The following IQCM variants were observed in gnomAD, a reference collection of about 807,000 sequenced individuals.
The protein encoded by IQCM is IQ domain-containing protein M.
Under a neutral mutation model 57.6 loss-of-function variants are expected in IQCM, and 45 were observed. The ratio of observed to expected loss-of-function variants is 0.78; its 90% CI spans 0.62 to 1.00. The LOEUF (loss-of-function observed/expected upper bound fraction) is 1.00. IQCM is among the 50% of genes least tolerant of loss of function. The pLI is 0.00. For synonymous variants in IQCM, 148 were observed against 158.9 expected (o/e 0.93, Z 0.51); for missense variants, 468 against 511.6 (o/e 0.91, Z 0.82).
chr4:149,757,741 A>ATG (rs3085133), intron 2 of IQCM, among the ~76,000 whole-genome samples: 2,930 of 150,372 alleles, frequency 0.019, 26 homozygotes, highest in Non-Finnish European at 0.028. Context: ...GATATTATAT[A>ATG]TGTGTGTGTG....
intron 2 of IQCM, among the ~76,000 whole-genome samples, chr4:149,769,942 T>C (rs1255460454): frequency 6.6e-6 from 1 of 151,922 alleles, no homozygotes; most frequent in Non-Finnish European, 1.5e-5. Context: ...CTGGCATTTA[T>C]AGAATAAAAA....
At chr4:149,774,386 T>A (rs1770877095) in intron 2 of IQCM, among the ~76,000 whole-genome samples, 1 of 152,156 alleles carries the variant, frequency 6.6e-6, no homozygotes. Context: ...AGCAGCAACA[T>A]GCTTGCAATA....
At chr4:149,574,845 T>A (rs912553439) in intron 9 of IQCM, among the ~76,000 whole-genome samples, 1 of 151,976 alleles carries the variant, frequency 6.6e-6, no homozygotes, top group Non-Finnish European at 1.5e-5. Flanking sequence ...TTAAGGATAC[T>A]TATTTCGGCT....
At chr4:149,503,060 T>C (rs1248189884) in intron 12 of IQCM, among the ~76,000 whole-genome samples, 3 of 151,530 alleles carry the variant, frequency 2.0e-5, no homozygotes, top group Non-Finnish European at 4.4e-5. Context: ...AAAAAAAAAA[T>C]TGTTATTTTA....
At chr4:149,536,644 T>A (rs1374042379) in intron 12 of IQCM, among the ~76,000 whole-genome samples, 1 of 151,884 alleles carries the variant, frequency 6.6e-6, no homozygotes, top group Non-Finnish European at 1.5e-5. Flanking sequence ...TTATGGAGAG[T>A]CTGAAATATT....
chr4:149,438,612 G>C (rs1353122943), intron 12 of IQCM, among the ~76,000 whole-genome samples: 1 of 151,870 alleles, frequency 6.6e-6, no homozygotes, highest in Admixed American at 6.6e-5. Flanking sequence ...GTTTATTTCT[G>C]TTCATTAGTA....
chr4:149,582,686 G>A (rs912916789), intron 9 of IQCM, among the ~76,000 whole-genome samples: 1 of 151,392 alleles, frequency 6.6e-6, no homozygotes, highest in Non-Finnish European at 1.5e-5. Context: ...TGCAAAGACA[G>A]AACACACAAG....
chr4:149,776,423 G>A (rs1056308741), intron 2 of IQCM, among the ~76,000 whole-genome samples: 4 of 152,054 alleles, frequency 2.6e-5, no homozygotes, highest in Non-Finnish European at 4.4e-5. Flanking sequence ...TTGAACTTAG[G>A]TTTTCTAATT....
At chr4:149,802,079 C>T (rs926179980) in intron 2 of IQCM, among the ~76,000 whole-genome samples, 13 of 151,760 alleles carry the variant, frequency 8.6e-5, no homozygotes, top group African/African-American at 2.9e-4. Context: ...AGAAGTATGG[C>T]TTATACAGTT....
At chr4:149,497,768 A>T (rs1444565216) in intron 12 of IQCM, among the ~76,000 whole-genome samples, 2 of 151,322 alleles carry the variant, frequency 1.3e-5, no homozygotes, top group African/African-American at 4.8e-5. Context: ...AAAAAGGAAG[A>T]AAAAAAAGCA....
chr4:149,812,382 T>C (rs754710628), intron 2 of IQCM, among the ~76,000 whole-genome samples: 17 of 151,954 alleles, frequency 1.1e-4, no homozygotes, highest in Non-Finnish European at 2.1e-4. Flanking sequence ...ATTGTGAAGA[T>C]GCAAATAACA....
chr4:149,392,037 C>T (rs1325975443), intron 13 of IQCM, among the ~76,000 whole-genome samples: 1 of 151,336 alleles, frequency 6.6e-6, no homozygotes, highest in Non-Finnish European at 1.5e-5. Flanking sequence ...TGATCTTCTC[C>T]CTAGCTGTCT....
At chr4:149,511,200 T>C (rs1744374123) in intron 12 of IQCM, among the ~76,000 whole-genome samples, 2 of 152,140 alleles carry the variant, frequency 1.3e-5, no homozygotes, top group Non-Finnish European at 2.9e-5. Context: ...TTTCTTCAGA[T>C]ACCAACTTAC....
intron 13 of IQCM, among the ~76,000 whole-genome samples, chr4:149,365,396 CAATA>C (rs530601668): frequency 1.5e-3 from 221 of 152,184 alleles, no homozygotes; most frequent in South Asian, 7.9e-3. Flanking sequence ...CTAGTATAAT[CAATA>C]AATAAATGGT....
chr4:149,753,420 G>T (rs76211245), intron 2 of IQCM, among the ~76,000 whole-genome samples: 1 of 151,972 alleles, frequency 6.6e-6, no homozygotes, highest in African/African-American at 2.4e-5. Flanking sequence ...ATAAAAATAC[G>T]TTCTTTCAAA....
intron 12 of IQCM, among the ~76,000 whole-genome samples, chr4:149,498,242 CAGCA>C (rs1168715517): frequency 6.6e-6 from 1 of 152,018 alleles, no homozygotes; most frequent in Non-Finnish European, 1.5e-5. Context: ...AGTGATGACC[CAGCA>C]AAAATGGGTA....
At chr4:149,579,000 C>T (rs1301883240) in intron 9 of IQCM, among the ~76,000 whole-genome samples, 3 of 151,864 alleles carry the variant, frequency 2.0e-5, no homozygotes, top group Non-Finnish European at 4.4e-5. Flanking sequence ...AATTGCATAT[C>T]TGATTTTCCC....
intron 12 of IQCM, among the ~76,000 whole-genome samples, chr4:149,478,085 T>G (rs1740392492): frequency 6.6e-6 from 1 of 152,206 alleles, no homozygotes; most frequent in Non-Finnish European, 1.5e-5. Flanking sequence ...CTAAAATTAC[T>G]TAGAATACTG....
intron 2 of IQCM, among the ~76,000 whole-genome samples, chr4:149,753,751 T>C (rs557591790): frequency 1.5e-5 from 2 of 131,094 alleles, no homozygotes; most frequent in South Asian, 4.7e-4. Context: ...ATAAAAACAC[T>C]GAGACCAAAA....
Sources: gnomAD v4.1 joint callset for allele counts (sites outside exome capture counted in the v4.1 genomes callset) on GRCh38, gnomAD v4.1.1 for gene constraint, MANE v1.5 for transcripts, NCBI Gene and HGNC (gene_info 2026-07-23, HGNC 2026-07-21) for gene names.